Variants in PACRG observed in about 807,000 individuals in gnomAD.
PACRG encodes parkin coregulated gene protein.
A neutral mutation model predicts 29.7 loss-of-function variants in PACRG; 29 were observed. That is an observed-to-expected ratio of 0.98 (90% confidence interval 0.73 to 1.33). The LOEUF (loss-of-function observed/expected upper bound fraction) is 1.33, where lower values mean the gene tolerates loss of function less well. Ranked by LOEUF, PACRG falls within the 40% of genes most tolerant of loss-of-function variation. The pLI, the probability that PACRG is intolerant of heterozygous loss-of-function variation, is 0.00. For synonymous variants in PACRG, 116 were observed against 118.7 expected (o/e 0.98, Z 0.15); for missense variants, 279 against 316.2 (o/e 0.88, Z 0.89).
chr6:162,836,373 G>T (rs990234158), intron 2 of PACRG, among the ~76,000 whole-genome samples: 1 of 152,050 alleles, frequency 6.6e-6, no homozygotes, highest in Non-Finnish European at 1.5e-5. Context: ...CCTCCTCTTC[G>T]CATTCTCCTC....
chr6:162,973,686 T>G (rs1801714745), intron 2 of PACRG, among the ~76,000 whole-genome samples: 1 of 152,214 alleles, frequency 6.6e-6, no homozygotes, highest in African/African-American at 2.4e-5. Flanking sequence ...AAGTCATTGT[T>G]TCAATAAAGA....
In PACRG at chr6:163,193,289, A is replaced by C. The variant is rs539982032; in HGVS notation, c.613+103881A>C. 1.6e-4 allele frequency among the ~76,000 whole-genome samples: 25 copies of C among 152,298 alleles called. No individual in the cohort carries two copies. The South Asian group carries it at 5.0e-3, about 30-fold the overall frequency. On this transcript the variant is annotated intron_variant, in intron 4 of 4. Coordinates refer to ENST00000366888, the MANE Select transcript of PACRG (RefSeq NM_001080379.2). ...TCCATAAGGCTTCACTTAGATTGAG[A>C]GAGTGAAAATGGGTGTCAGTCTTTC...
At chr6:162,757,134 T>G (rs990129593) in intron 1 of PACRG, among the ~76,000 whole-genome samples, 1 of 152,328 alleles carries the variant, frequency 6.6e-6, no homozygotes, top group South Asian at 2.1e-4. Context: ...CTTAATATGA[T>G]CAATGCAATG....
chr6:163,139,705 G>A (rs937084301), intron 4 of PACRG, among the ~76,000 whole-genome samples: 6 of 152,142 alleles, frequency 3.9e-5, no homozygotes, highest in African/African-American at 2.4e-5. Context: ...TAAAGTAATT[G>A]CAATTGCCAA....
rs577710207 is a variant in PACRG, at chr6:162,736,261, G to A, written c.156+7870G>A. Among the ~76,000 whole-genome samples the A allele has an allele frequency of 7.9e-5, 12 of 152,074 alleles. 1 individual carries two copies. The Middle Eastern group carries it at 0.01, about 129-fold the overall frequency. ...AGATTTCAGTGAGAGCTAAGTACAC[G>A]TTATTAAAATGTATCTTGGCAAATT... On this transcript the variant is annotated intron_variant, in intron 1 of 4. Coordinates refer to ENST00000366888, the MANE Select transcript of PACRG (RefSeq NM_001080379.2).
chr6:162,943,139 G>T (rs547469165), intron 2 of PACRG, among the ~76,000 whole-genome samples: 5 of 152,288 alleles, frequency 3.3e-5, no homozygotes, highest in South Asian at 2.1e-4. Flanking sequence ...CTCTGTGACC[G>T]CATTGCTCGA....
rs1373865563 is a variant in PACRG at position 162,947,500 on chromosome 6, T to TATATACTC, written c.292-114645_292-114644insCTCATATA. Among the ~76,000 whole-genome samples the TATATACTC allele has an allele frequency of 5.7e-5, 7 of 122,306 alleles. No homozygotes were observed. The East Asian group carries it at 1.3e-3, about 23-fold the overall frequency. The allele number at this position is 122,306 out of a possible 152,430, so 80.2% of individuals were successfully genotyped here. A position where few individuals can be genotyped will look rare whatever the true frequency, so the allele number is the denominator to read the frequency against. Reference sequence around the variant, plus strand: ...ATATATAATCATATATATACTCATATATATATAATCTATATATATAATCAT... The same window carrying TATATACTC: ...ATATATAATCATATATATACTCATATATATACTCATATATAATCTATATATATAATCAT... On this transcript the variant is annotated intron_variant, in intron 2 of 4. Transcript: ENST00000366888.
intron 2 of PACRG, among the ~76,000 whole-genome samples, chr6:162,896,296 C>T (rs9458666): frequency 6.6e-6 from 1 of 152,178 alleles, no homozygotes; most frequent in East Asian, 1.9e-4. Flanking sequence ...TTGGCAGCTT[C>T]GGGATCTAGC....
At chr6:163,302,420 A>G (rs2128190418) in intron 4 of PACRG, among the ~76,000 whole-genome samples, 1 of 152,320 alleles carries the variant, frequency 6.6e-6, no homozygotes, top group Admixed American at 6.5e-5. Context: ...ACCAGTGTAG[A>G]AGCTGATAAA....
In PACRG at chr6:163,314,887, TC is replaced by T; in HGVS notation, c.676del (p.Gln226ArgfsTer31). ...AAGAGGGAGAACATTGGGGACTTGA[TC>T]CAGGAGACACTGGAGGCCTTCGAGC... The part of the protein sequence containing the change: ...QQKRENIGDL[I>X]QETLEAFERY... On this transcript the variant is annotated frameshift_variant, in exon 5 of 5. Transcript: ENST00000366888. LOFTEE classifies it high-confidence loss of function. The T allele has an allele frequency of 6.2e-7, 1 of 1,614,202 alleles. No homozygotes were observed. The highest frequency in any genetic ancestry group is 8.5e-7 in the Non-Finnish European group (1 of 1,180,048).
chr6:162,784,548 A>G (rs1224185045), intron 1 of PACRG, among the ~76,000 whole-genome samples: 1 of 152,058 alleles, frequency 6.6e-6, no homozygotes, highest in African/African-American at 2.4e-5. Flanking sequence ...TGTTTGTTTT[A>G]TTGTTGTTTG....
At chr6:162,787,617 T>C (rs1322484942) in intron 1 of PACRG, among the ~76,000 whole-genome samples, 2 of 137,192 alleles carry the variant, frequency 1.5e-5, no homozygotes, top group African/African-American at 5.2e-5. Context: ...TATATATATA[T>C]ATATGGTTGT....
At chr6:162,787,719 A>G (rs1386882896) in intron 1 of PACRG, among the ~76,000 whole-genome samples, 1 of 150,202 alleles carries the variant, frequency 6.7e-6, no homozygotes, top group East Asian at 2.0e-4. Flanking sequence ...TATCCATGTT[A>G]TTAGGTTTGC....
At position 162,947,609 on chromosome 6, in the gene PACRG, A is replaced by ATT. The variant is rs1562767218; in HGVS notation, c.292-114540_292-114539insTT. On this transcript the variant is annotated intron_variant, in intron 2 of 4. Transcript: ENST00000366888. ...ATATATATAATCATATATATATATA[A>ATT]TCATATATATATATATATATATATA... 9.2e-5 allele frequency among the ~76,000 whole-genome samples: 3 copies of ATT among 32,624 alleles called. 1 individual carries two copies. The highest frequency in any genetic ancestry group is 2.1e-4 in the Non-Finnish European group (3 of 14,406). The allele number at this position is 32,624 out of a possible 152,430, so 21.4% of individuals were successfully genotyped here.
chr6:163,250,884 T>TAC (rs1491362497), intron 4 of PACRG, among the ~76,000 whole-genome samples: 1 of 69,584 alleles, frequency 1.4e-5, no homozygotes, highest in Non-Finnish European at 3.0e-5. Context: ...GAAATTGTTG[T>TAC]ATATATATAT....
intron 2 of PACRG, among the ~76,000 whole-genome samples, chr6:162,975,287 A>G (rs779195857): frequency 6.6e-6 from 1 of 152,242 alleles, no homozygotes; most frequent in Non-Finnish European, 1.5e-5. Context: ...AGTACTAATT[A>G]AAAGACAATA....
At chr6:163,186,293 A>C (rs1437360248) in intron 4 of PACRG, among the ~76,000 whole-genome samples, 4 of 152,152 alleles carry the variant, frequency 2.6e-5, no homozygotes, top group African/African-American at 9.7e-5. Context: ...GTCCAATGGC[A>C]AATGGAAGCA....
chr6:162,801,334 C>T (rs1785845656), intron 1 of PACRG, among the ~76,000 whole-genome samples: 1 of 152,102 alleles, frequency 6.6e-6, no homozygotes, highest in Non-Finnish European at 1.5e-5. Context: ...GTCTCAAACT[C>T]CTGACCTCAG....
chr6:163,164,201 C>T (rs1446731373), intron 4 of PACRG, among the ~76,000 whole-genome samples: 1 of 152,124 alleles, frequency 6.6e-6, no homozygotes, highest in Non-Finnish European at 1.5e-5. Context: ...CAATGAGTAA[C>T]AAAATAGTAT....
Sources: gnomAD v4.1 joint callset for allele counts (sites outside exome capture counted in the v4.1 genomes callset) on GRCh38, gnomAD v4.1.1 for gene constraint, MANE v1.5 for transcripts, NCBI Gene and HGNC (gene_info 2026-07-23, HGNC 2026-07-21) for gene names.